Variants in HPSE2 observed in about 807,000 individuals in gnomAD.
HPSE2 encodes the protein heparanase 2 (inactive).
In HPSE2, 38 loss-of-function variants were observed where a neutral mutation model predicts 60.5. That is an observed-to-expected ratio of 0.63 (90% CI 0.48 to 0.82). The LOEUF is 0.82. Among genes scored for constraint, HPSE2 ranks in the 40% least tolerant of loss-of-function variants. HPSE2 has a pLI of 0.00. For synonymous variants in HPSE2, 295 were observed against 293.2 expected (o/e 1.01, Z -0.06); for missense variants, 713 against 740.4 (o/e 0.96, Z 0.43).
chr10:98,552,407 T>C (rs952690309), intron 9 of HPSE2, among the ~76,000 whole-genome samples: 1 of 152,112 alleles, frequency 6.6e-6, no homozygotes, highest in South Asian at 2.1e-4. Context: ...ATATAGGTAC[T>C]ACATAAGTGG....
chr10:98,981,516 A>T (rs1481196928), intron 3 of HPSE2, among the ~76,000 whole-genome samples: 1 of 152,170 alleles, frequency 6.6e-6, no homozygotes, highest in Non-Finnish European at 1.5e-5. Context: ...AAAAGTTGGC[A>T]TGATATATGT....
At chr10:98,767,488 T>C (rs1950145504) in intron 3 of HPSE2, among the ~76,000 whole-genome samples, 2 of 149,132 alleles carry the variant, frequency 1.3e-5, no homozygotes, top group Admixed American at 6.7e-5. Context: ...TAATACATGA[T>C]ATATACATGT....
intron 9 of HPSE2, among the ~76,000 whole-genome samples, chr10:98,567,924 T>C (rs1944393331): frequency 6.6e-6 from 1 of 152,144 alleles, no homozygotes; most frequent in African/African-American, 2.4e-5. Context: ...GGATCCCCAG[T>C]ACTGTGGCCC....
At chr10:98,797,855 A>C (rs1950815440) in intron 3 of HPSE2, among the ~76,000 whole-genome samples, 1 of 151,636 alleles carries the variant, frequency 6.6e-6, no homozygotes, top group South Asian at 2.1e-4. Context: ...AAAAAACAAA[A>C]AACAAAAAAA....
intron 4 of HPSE2, among the ~76,000 whole-genome samples, chr10:98,742,333 TC>T (rs1196492097): frequency 1.3e-5 from 2 of 152,148 alleles, no homozygotes; most frequent in Non-Finnish European, 2.9e-5. Flanking sequence ...ATTCTTTTCT[TC>T]CCTTGCCATC....
At chr10:98,929,477 A>C (rs1180411131) in intron 3 of HPSE2, among the ~76,000 whole-genome samples, 1 of 144,102 alleles carries the variant, frequency 6.9e-6, no homozygotes, top group Non-Finnish European at 1.5e-5. Flanking sequence ...AGGTTTTTAC[A>C]TACTAAAGCT....
chr10:98,610,582 T>C (rs1370439650), intron 9 of HPSE2, among the ~76,000 whole-genome samples: 11 of 152,192 alleles, frequency 7.2e-5, no homozygotes, highest in Admixed American at 5.9e-4. Flanking sequence ...ATATGATTCA[T>C]CAGGGAAAGT....
At chr10:99,160,674 C>A (rs1195330553) in intron 2 of HPSE2, among the ~76,000 whole-genome samples, 1 of 151,668 alleles carries the variant, frequency 6.6e-6, no homozygotes, top group South Asian at 2.1e-4. Flanking sequence ...CCGAGGCGGG[C>A]GGATCACGAG....
intron 3 of HPSE2, among the ~76,000 whole-genome samples, chr10:98,941,332 C>T (rs1228420405): frequency 1.6e-5 from 2 of 123,646 alleles, no homozygotes; most frequent in African/African-American, 7.0e-5. Flanking sequence ...ATCTAGAAAA[C>T]CCCATTGTCT....
At chr10:98,595,696 T>C (rs1945216425) in intron 9 of HPSE2, among the ~76,000 whole-genome samples, 1 of 152,230 alleles carries the variant, frequency 6.6e-6, no homozygotes, top group African/African-American at 2.4e-5. Flanking sequence ...TTTTGCTTTC[T>C]TTCTCTTGCC....
Position 99,232,409 on chromosome 10 carries a change from C to T in HPSE2, c.387G>A (p.Arg129=). Residue 129 remains arginine, a synonymous_variant, in exon 2 of 12, where the codon AGG becomes AGA. Transcript: ENST00000370552. ...GGCCCCCGCGGCTTTTCGCCGGGTT[C>T]CTCAGGTTCTGGAACTGCAGGAAGT... The part of the protein sequence containing the change: ...RTDFLQFQNL[R]NPAKSRGGPG... The T allele has an allele frequency of 2.6e-6, 4 of 1,552,780 alleles. No homozygotes were observed. Among genetic ancestry groups the T allele is most frequent in the Non-Finnish European group, 3.5e-6 (4 of 1,147,664 alleles).
chr10:98,958,482 T>C (rs923906440), intron 3 of HPSE2, among the ~76,000 whole-genome samples: 62 of 152,226 alleles, frequency 4.1e-4, no homozygotes, highest in East Asian at 3.9e-4. Flanking sequence ...ATGCATGCTA[T>C]CTATTATTGA....
chr10:99,029,468 C>T (rs911928428), intron 3 of HPSE2, among the ~76,000 whole-genome samples: 17 of 152,204 alleles, frequency 1.1e-4, no homozygotes, highest in Middle Eastern at 6.8e-3. Flanking sequence ...TGTCTGGCTG[C>T]GCTGTTATTT....
In HPSE2 at chr10:98,675,575, CACAA is replaced by C. The variant is rs1000277196; in HGVS notation, c.1004+18321_1004+18324del. ...ACACACACACACACACACACACACA[CACAA>C]TAACCAGCCATGGTGGCACACACCT... is the stretch of plus-strand genomic sequence containing the variant. On this transcript the variant is annotated intron_variant, in intron 6 of 11. Coordinates refer to ENST00000370552, the MANE Select transcript of HPSE2 (RefSeq NM_021828.5). 8.6e-5 allele frequency among the ~76,000 whole-genome samples: 13 copies of C among 151,476 alleles called. No homozygotes were observed. The East Asian group carries it at 1.2e-3, about 14-fold the overall frequency.
intron 3 of HPSE2, among the ~76,000 whole-genome samples, chr10:99,140,491 G>C (rs1845829627): frequency 6.6e-6 from 1 of 152,150 alleles, no homozygotes; most frequent in Non-Finnish European, 1.5e-5. Context: ...CATTCACTAT[G>C]CTTTACATGC....
chr10:99,011,540 G>A (rs926156232), intron 3 of HPSE2, among the ~76,000 whole-genome samples: 2 of 151,854 alleles, frequency 1.3e-5, no homozygotes, highest in African/African-American at 2.4e-5. Context: ...GGCAGATCAC[G>A]ACGTCAAGAG....
rs146066032 is a variant in HPSE2, at chr10:98,862,990, A to C, written c.611-118934T>G. Reference sequence around the variant, plus strand: ...TTTTCCCCAGGCTTGTCTCAAACTCATTGGCTCATGTGATCCTCTCGGCTT... The same window carrying C: ...TTTTCCCCAGGCTTGTCTCAAACTCCTTGGCTCATGTGATCCTCTCGGCTT... On this transcript the variant is annotated intron_variant, in intron 3 of 11. Transcript: ENST00000370552. 7.7e-4 allele frequency among the ~76,000 whole-genome samples: 117 copies of C among 152,244 alleles called. 1 individual carries two copies. The highest frequency in any genetic ancestry group is 2.7e-3 in the African/African-American group (113 of 41,542).
intron 5 of HPSE2, among the ~76,000 whole-genome samples, chr10:98,705,052 C>G (rs1207077823): frequency 3.3e-5 from 5 of 151,960 alleles, no homozygotes; most frequent in African/African-American, 1.2e-4. Context: ...GGAACTTAAA[C>G]AAATTTACAA....
rs1029409743 is a variant in HPSE2 at position 98,458,420 on chromosome 10, A to T, written c.*1154T>A. On this transcript the variant is annotated 3_prime_UTR_variant, in exon 12 of 12. Coordinates refer to ENST00000370552, the MANE Select transcript of HPSE2 (RefSeq NM_021828.5). ...TGCCCAACTCAGAAGCTTCCTACCT[A>T]CCATTCCATAGTTTTGGCCAGATCT... The T allele has an allele frequency of 6.6e-6, 1 of 152,092 alleles. No individual in the cohort carries two copies. Among genetic ancestry groups the T allele is most frequent in the African/African-American group, 2.4e-5 (1 of 41,396 alleles). 9.4% of individuals were successfully genotyped at this position (152,092 alleles called of 1,614,324 possible). A position where few individuals can be genotyped will look rare whatever the true frequency, so the allele number is the denominator to read the frequency against.
Sources: gnomAD v4.1 joint callset for allele counts (sites outside exome capture counted in the v4.1 genomes callset) on GRCh38, gnomAD v4.1.1 for gene constraint, MANE v1.5 for transcripts, NCBI Gene and HGNC (gene_info 2026-07-23, HGNC 2026-07-21) for gene names.